The following C3orf52 variants were observed in gnomAD, a reference collection of about 807,000 sequenced individuals.
C3orf52 encodes the protein TPA-induced transmembrane protein.
Under a neutral mutation model 24.8 loss-of-function variants are expected in C3orf52, and 22 were observed. The ratio of observed to expected loss-of-function variants is 0.89; its 90% confidence interval spans 0.63 to 1.27. The LOEUF (loss-of-function observed/expected upper bound fraction) is 1.27, where lower values mean the gene tolerates loss of function less well. Among genes scored for constraint, C3orf52 ranks in the 50% most tolerant of loss-of-function variants. The probability of loss-of-function intolerance (pLI) is 0.00; values close to 1 mark genes in which losing one functional copy is unlikely to be tolerated. For missense variants in C3orf52, 265 were observed against 260.7 expected (o/e 1.02, Z -0.11); for synonymous variants, 93 against 100.2 (o/e 0.93, Z 0.43).
chr3:112,133,006 A>G (rs2107819149), downstream of C3orf52: 1 of 1,375,276 alleles, frequency 7.3e-7, no homozygotes, highest in East Asian at 2.3e-5. Context: ...TTAGTGTGCT[A>G]ACTGTATACT....
chr3:112,128,202 C>T (rs1268802508), intron 4 of C3orf52: 1 of 735,524 alleles, frequency 1.4e-6, no homozygotes, highest in Non-Finnish European at 2.5e-6. Flanking sequence ...TTGGACACAT[C>T]TCTCATGGTA....
intron 2 of C3orf52, among the ~76,000 whole-genome samples, chr3:112,099,004 TG>T (rs1198181490): frequency 6.6e-6 from 1 of 152,122 alleles, no homozygotes; most frequent in East Asian, 1.9e-4. Context: ...ATTTCCCCTT[TG>T]CTATTCTCAT....
downstream of C3orf52, among the ~76,000 whole-genome samples, chr3:112,135,958 G>A (rs1398973253): frequency 6.6e-6 from 1 of 152,098 alleles, no homozygotes; most frequent in Non-Finnish European, 1.5e-5. Context: ...GATTGGTTAT[G>A]TTCTCTCACT....
chr3:112,105,732 C>T (rs942590946), intron 3 of C3orf52, among the ~76,000 whole-genome samples: 14 of 149,414 alleles, frequency 9.4e-5, no homozygotes, highest in Admixed American at 3.4e-4. Flanking sequence ...CTGAGGCAGG[C>T]GAATGGTGTG....
At chr3:112,091,222 A>G (rs1334521316) in intron 1 of C3orf52, among the ~76,000 whole-genome samples, 1 of 152,222 alleles carries the variant, frequency 6.6e-6, no homozygotes, top group Admixed American at 6.5e-5. Flanking sequence ...TAAACAGCCC[A>G]CAATCGTTAA....
chr3:112,100,365 T>G (rs1403520344), intron 2 of C3orf52, among the ~76,000 whole-genome samples: 1 of 152,214 alleles, frequency 6.6e-6, no homozygotes, highest in Non-Finnish European at 1.5e-5. Context: ...AAAAATATGT[T>G]TTTTCTACAC....
downstream of C3orf52, chr3:112,134,647 G>A (rs1465560702): frequency 6.6e-6 from 1 of 152,234 alleles, no homozygotes; most frequent in East Asian, 1.9e-4. Flanking sequence ...TTAGCCAAGT[G>A]AAACTTATGT....
chr3:112,092,185 TTG>T (rs2073884772), intron 1 of C3orf52, among the ~76,000 whole-genome samples: 1 of 152,120 alleles, frequency 6.6e-6, no homozygotes, highest in African/African-American at 2.4e-5. Flanking sequence ...AGCAGATGCT[TTG>T]TGTCCATTAT....
rs767869321 is a variant in C3orf52 at position 112,086,532 on chromosome 3, T to TC, written c.131dup (p.Ala45GlyfsTer4). 2.6e-6 allele frequency: 4 copies of TC among 1,543,302 alleles called. No individual in the cohort carries two copies. The Admixed American group carries it at 6.0e-5, about 23-fold the overall frequency. ...GTCTTCCCTTCTTTGGACGAGGAGG[T>TC]CCCCCCGGCCGAGGTAAGGTCCCCT... On this transcript the variant is annotated frameshift_variant, in exon 1 of 6. Coordinates refer to ENST00000264848, the MANE Select transcript of C3orf52 (RefSeq NM_024616.3). LOFTEE classifies it high-confidence loss of function.
At chr3:112,110,717 G>A (rs968347102) in intron 4 of C3orf52, among the ~76,000 whole-genome samples, 2 of 152,178 alleles carry the variant, frequency 1.3e-5, no homozygotes, top group African/African-American at 2.4e-5. Flanking sequence ...TGCCTGAGAT[G>A]TCTCTGGAAT....
chr3:112,087,509 C>G (rs899270437), intron 1 of C3orf52, among the ~76,000 whole-genome samples: 5 of 152,196 alleles, frequency 3.3e-5, no homozygotes, highest in African/African-American at 1.2e-4. Context: ...GGCCCCACTC[C>G]TCCACCCCCA....
At chr3:112,110,120 A>T (rs1310255458) in intron 4 of C3orf52, among the ~76,000 whole-genome samples, 1 of 152,168 alleles carries the variant, frequency 6.6e-6, no homozygotes, top group Non-Finnish European at 1.5e-5. Context: ...ACTTGAGGTC[A>T]GGAGTTCAAG....
chr3:112,119,537 A>C (rs188151051), downstream of C3orf52: 1 of 702,942 alleles, frequency 1.4e-6, no homozygotes. Flanking sequence ...CTTCCTTTAC[A>C]CATGTTCGTG....
intron 4 of C3orf52, chr3:112,123,701 C>T (rs1559981993): frequency 6.2e-7 from 1 of 1,614,026 alleles, no homozygotes. Flanking sequence ...TCCCTGATGG[C>T]CTTGTACAGA....
At chr3:112,108,575 C>T (rs1312483221) in intron 3 of C3orf52, among the ~76,000 whole-genome samples, 1 of 152,138 alleles carries the variant, frequency 6.6e-6, no homozygotes, top group Non-Finnish European at 1.5e-5. Context: ...GAGAATAGTG[C>T]ATGTGATCAT....
chr3:112,123,732 G>T (rs751059230), intron 4 of C3orf52: 5 of 1,613,970 alleles, frequency 3.1e-6, no homozygotes. Context: ...ATTGATGAGG[G>T]TATAGCACAG....
At chr3:112,112,631 T>C (rs1297395747) in intron 4 of C3orf52, among the ~76,000 whole-genome samples, 2 of 151,978 alleles carry the variant, frequency 1.3e-5, no homozygotes, top group African/African-American at 4.8e-5. Context: ...AAGGCTGGGG[T>C]TGGGACAGAT....
chr3:112,111,680 C>G (rs1004710671), intron 4 of C3orf52: 2 of 152,218 alleles, frequency 1.3e-5, no homozygotes, highest in Non-Finnish European at 2.9e-5. Context: ...CAAGTCCTTG[C>G]CCCTGGGAAT....
chr3:112,133,051 G>A (rs1313501613), downstream of C3orf52: 1 of 1,597,384 alleles, frequency 6.3e-7, no homozygotes, highest in East Asian at 2.2e-5. Flanking sequence ...GTATTGTCCT[G>A]TCCCATCTCC....
Sources: gnomAD v4.1 joint callset for allele counts (sites outside exome capture counted in the v4.1 genomes callset) on GRCh38, gnomAD v4.1.1 for gene constraint, MANE v1.5 for transcripts, NCBI Gene and HGNC (gene_info 2026-07-23, HGNC 2026-07-21) for gene names.